DHCR24: variants seen among roughly 807,000 people sequenced by gnomAD.
DHCR24 encodes delta(24)-sterol reductase.
Under a neutral mutation model 61.2 loss-of-function variants are expected in DHCR24, and 28 were observed. The ratio of observed to expected loss-of-function variants is 0.46; its 90% CI spans 0.34 to 0.63. The LOEUF (loss-of-function observed/expected upper bound fraction) is 0.63, where lower values mean the gene tolerates loss of function less well. Among genes scored for constraint, DHCR24 ranks in the 20% least tolerant of loss-of-function variants. DHCR24 has a pLI of 0.01. For missense variants in DHCR24, 538 were observed against 679.1 expected (o/e 0.79, Z 2.31); for synonymous variants, 261 against 275.9 (o/e 0.95, Z 0.54).
Position 54,883,585 on chromosome 1 carries a change from T to G in DHCR24, c.387+33A>C. On this transcript the variant is annotated intron_variant, in intron 2 of 8. Transcript: ENST00000371269. The surrounding 1 kb of genome is among the most constrained non-coding windows in gnomAD (Gnocchi z 4.3). The stretch of plus-strand genomic sequence containing the variant: ...CTTGCACCAGGGGCAGTGCCCCACC[T>G]GCTCCCAGAGCCCGGAAAAGTGCTA... The G allele has an allele frequency of 6.2e-7, 1 of 1,613,976 alleles. No homozygotes were observed. Among genetic ancestry groups the G allele is most frequent in the Non-Finnish European group, 8.5e-7 (1 of 1,179,898 alleles).
intron 4 of DHCR24, among the ~76,000 whole-genome samples, chr1:54,874,506 C>A (rs576263741): frequency 6.6e-6 from 1 of 152,300 alleles, no homozygotes; most frequent in South Asian, 2.1e-4. Context: ...AAATAGCCTA[C>A]GTGTGAAGTA....
chr1:54,864,098 G>T (rs151048684), intron 6 of DHCR24, among the ~76,000 whole-genome samples: 9 of 152,276 alleles, frequency 5.9e-5, no homozygotes, highest in African/African-American at 1.9e-4. Context: ...ATACATTGCT[G>T]GTGGGAATGA....
chr1:54,868,328 G>A lies in DHCR24; in HGVS notation c.877-2882C>T, dbSNP rs190934192. Among the ~76,000 whole-genome samples, 1,509 of 152,076 alleles carry A rather than the reference G, an allele frequency of 9.9e-3. 12 individuals carry two copies. Among genetic ancestry groups the A allele is most frequent in the Non-Finnish European group, 0.016 (1,060 of 68,006 alleles). On this transcript the variant is annotated intron_variant, in intron 5 of 8. Transcript: ENST00000371269. ...TACTAAAAATACAAAAAATTAGCCG[G>A]GCGTGGTGGTGGGCGCCTGTAGTCC... is the stretch of plus-strand genomic sequence containing the variant.
rs181555625 is a variant in DHCR24, at chr1:54,871,379, C to A, written c.847G>T (p.Val283Phe). 2.5e-6 allele frequency: 4 copies of A among 1,614,160 alleles called. No homozygotes were observed. Among genetic ancestry groups the A allele is most frequent in the Non-Finnish European group, 3.4e-6 (4 of 1,180,030 alleles). ...CTGGGCTCTGCCTCATCTGTCATGACCCCTGTCATAATGACAGCCTCATCC... is the reference window on the plus strand; with the variant it reads ...CTGGGCTCTGCCTCATCTGTCATGAACCCTGTCATAATGACAGCCTCATCC... Reference protein sequence around the residue: ...SLDEAVIMTGVMTDEAEPSKL... With the variant: ...SLDEAVIMTGFMTDEAEPSKL... The change falls in exon 5 of 9, where the codon GTC becomes TTC. Residue 283 changes from valine to phenylalanine, a missense_variant. By Grantham distance (50) the Val-to-Phe change is conservative (BLOSUM62 -1). Coordinates refer to ENST00000371269, the MANE Select transcript of DHCR24 (RefSeq NM_014762.4).
chr1:54,868,962 G>A (rs1646982400), intron 5 of DHCR24, among the ~76,000 whole-genome samples: 1 of 152,166 alleles, frequency 6.6e-6, no homozygotes, highest in Non-Finnish European at 1.5e-5. Context: ...AGCTACTCGG[G>A]AGGCTGAGAC....
At chr1:54,873,360 A>G (rs573084852) in intron 4 of DHCR24, among the ~76,000 whole-genome samples, 1 of 152,184 alleles carries the variant, frequency 6.6e-6, no homozygotes, top group Non-Finnish European at 1.5e-5. Flanking sequence ...TGTACACTAC[A>G]TAATACTTGA....
Position 54,887,181 on chromosome 1 carries a change from C to T in DHCR24, c.-62G>A, listed in dbSNP as rs537895939. On this transcript the variant is annotated 5_prime_UTR_variant, in exon 1 of 9. Transcript: ENST00000371269. ...CCTCCTGTCACTGCCGCCAGCTCCG[C>T]GCCTGGCCCGCTCTGCGCCTGTAGC... 3.6e-4 allele frequency: 504 copies of T among 1,412,058 alleles called. 1 individual carries two copies. Among genetic ancestry groups the T allele is most frequent in the Middle Eastern group, 1.7e-3 (8 of 4,578 alleles). The allele number at this position is 1,412,058 out of a possible 1,614,324, so 87.5% of individuals were successfully genotyped here.
At chr1:54,854,318 C>T (rs1646895162) in intron 6 of DHCR24, 84 bp from the exon 7 acceptor site, 1 of 1,258,410 alleles carries the variant, frequency 7.9e-7, no homozygotes, top group Non-Finnish European at 1.1e-6. Context: ...GGGCCAGGTC[C>T]CATTCTGTGC....
intron 6 of DHCR24, among the ~76,000 whole-genome samples, chr1:54,858,452 A>G (rs1323781081): frequency 6.6e-6 from 1 of 152,204 alleles, no homozygotes; most frequent in African/African-American, 2.4e-5. Context: ...AGATCAGCAC[A>G]ATGACAGATC....
chr1:54,875,525 A>C (rs1334095791), intron 3 of DHCR24, among the ~76,000 whole-genome samples: 2 of 152,056 alleles, frequency 1.3e-5, no homozygotes, highest in African/African-American at 4.8e-5. Flanking sequence ...GACTTTAATG[A>C]AAAGGGGGGT....
rs281797257 is a variant in DHCR24, at chr1:54,865,442, T to G, written c.881A>C (p.Asn294Thr). ...MTDEAEPSKL[N>T]SIGNYYKPWF... ...CGGCTTGTAGTAATTGCCAATGCTA[T>G]TCAGCTGAAATGACAGAGGGCATTG... Residue 294 changes from asparagine (N) to threonine (T), a missense_variant, in exon 6 of 9, where the codon AAT becomes ACT. Physicochemically the swap from Asn to Thr is moderately conservative, Grantham distance 65. Transcript: ENST00000371269. 6.8e-6 allele frequency: 11 copies of G among 1,614,162 alleles called. No homozygotes were observed. The highest frequency in any genetic ancestry group is 8.5e-6 in the Non-Finnish European group (10 of 1,180,034).
At position 54,887,132 on chromosome 1, in the gene DHCR24, C is replaced by G; in HGVS notation, c.-13G>C. 6.4e-7 allele frequency: 1 copy of G among 1,555,200 alleles called. No homozygotes were observed. The highest frequency in any genetic ancestry group is 1.2e-5 in the South Asian group (1 of 85,100). Reference sequence around the variant, plus strand: ...CGGCGGGCTCCATGGTGCGGCGCCGCGCGGTAAGCGCTGCGGGTTCGCGCC... The same window carrying G: ...CGGCGGGCTCCATGGTGCGGCGCCGGGCGGTAAGCGCTGCGGGTTCGCGCC... On this transcript the variant is annotated 5_prime_UTR_variant, in exon 1 of 9. Transcript: ENST00000371269.
chr1:54,868,797 G>A (rs1189218528), intron 5 of DHCR24, among the ~76,000 whole-genome samples: 2 of 152,196 alleles, frequency 1.3e-5, no homozygotes, highest in African/African-American at 2.4e-5. Flanking sequence ...GCTGGGTGCA[G>A]TGGGTCACGC....
intron 5 of DHCR24, 104 bp downstream of exon 5, chr1:54,871,246 C>T: frequency 6.8e-7 from 1 of 1,468,708 alleles, no homozygotes; most frequent in Non-Finnish European, 9.3e-7. Flanking sequence ...CAGGCAGCAG[C>T]CTTGAAGAGG....
At position 54,883,146 on chromosome 1, in the gene DHCR24, C is replaced by T. The variant is rs940526704; in HGVS notation, c.387+472G>A. Among the ~76,000 whole-genome samples, 1 of 152,092 alleles carries T rather than the reference C, an allele frequency of 6.6e-6. No individual in the cohort carries two copies. The highest frequency in any genetic ancestry group is 1.5e-5 in the Non-Finnish European group (1 of 68,034). ...GATATAATCACTCTGTGTTGGGTAT[C>T]TTTATACTGAAGCCTATTTCCTTTT... On this transcript the variant is annotated intron_variant, in intron 2 of 8. Coordinates refer to ENST00000371269, the MANE Select transcript of DHCR24 (RefSeq NM_014762.4). The surrounding 1 kb of genome is among the most constrained non-coding windows in gnomAD (Gnocchi z 4.3).
chr1:54,852,888 T>G (rs1646884645), intron 8 of DHCR24, among the ~76,000 whole-genome samples: 1 of 152,210 alleles, frequency 6.6e-6, no homozygotes, highest in Non-Finnish European at 1.5e-5. Flanking sequence ...AGGCAACTAC[T>G]GATGCGCTAT....
At chr1:54,870,493 C>A (rs149258385) in intron 5 of DHCR24, among the ~76,000 whole-genome samples, 1 of 152,292 alleles carries the variant, frequency 6.6e-6, no homozygotes, top group East Asian at 1.9e-4. Flanking sequence ...AAGTCCCTTA[C>A]ATAAAATGAT....
rs56676965 is a variant in DHCR24 at position 54,872,112 on chromosome 1, A to G, written c.613-499T>C. ...GATCCACCCCCGACAGAGCCCAGGG[A>G]GAGCGCTAGCACCCCCTTATGACAA... On this transcript the variant is annotated intron_variant, in intron 4 of 8. Coordinates refer to ENST00000371269, the MANE Select transcript of DHCR24 (RefSeq NM_014762.4). Among the ~76,000 whole-genome samples the G allele has an allele frequency of 8.3e-3, 1,262 of 152,220 alleles. 12 individuals carry two copies. Among genetic ancestry groups the G allele is most frequent in the South Asian group, 0.026 (123 of 4,818 alleles).
chr1:54,884,447 A>G (rs1647081890), intron 1 of DHCR24, among the ~76,000 whole-genome samples: 2 of 152,196 alleles, frequency 1.3e-5, no homozygotes, highest in African/African-American at 4.8e-5. Flanking sequence ...AAGGACCACC[A>G]AGCCAATGGA....
Sources: allele counts gnomAD v4.1 joint callset (sites outside exome capture counted in the v4.1 genomes callset), GRCh38; gene constraint gnomAD v4.1.1; non-coding constraint Gnocchi (gnomAD v3.1); transcripts MANE v1.5; gene names NCBI Gene and HGNC (gene_info 2026-07-23, HGNC 2026-07-21).